Variants in CNTNAP3B observed in about 807,000 individuals in gnomAD.
CNTNAP3B encodes contactin-associated protein-like 3B.
Under a neutral mutation model 108.9 loss-of-function variants are expected in CNTNAP3B, and 25 were observed. The ratio of observed to expected loss-of-function variants is 0.23; its 90% confidence interval spans 0.17 to 0.32. CNTNAP3B has a LOEUF of 0.32. Among genes scored for constraint, CNTNAP3B ranks in the 10% least tolerant of loss-of-function variants. The pLI is 1.00. For missense variants in CNTNAP3B, 252 were observed against 1,210.4 expected (o/e 0.21, Z 11.75); for synonymous variants, 103 against 473.4 (o/e 0.22, Z 10.16).
chr9:42,087,689 A>T (rs1436497588), intron 2 of CNTNAP3B, among the ~76,000 whole-genome samples: 2 of 138,584 alleles, frequency 1.4e-5, no homozygotes, highest in South Asian at 4.8e-4. Context: ...CTATGATATT[A>T]ACTTATATTT....
At chr9:42,003,386 A>G (rs1439189983) in intron 4 of CNTNAP3B, among the ~76,000 whole-genome samples, 1 of 60,704 alleles carries the variant, frequency 1.6e-5, no homozygotes, top group East Asian at 3.1e-4. Flanking sequence ...GCAAACACTG[A>G]TGTCTTACAA....
chr9:42,058,441 T>G (rs1476267755), intron 3 of CNTNAP3B, among the ~76,000 whole-genome samples: 6 of 141,674 alleles, frequency 4.2e-5, no homozygotes, highest in Non-Finnish European at 9.2e-5. Context: ...ATTGTGGTTC[T>G]AACTTGCATT....
intron 11 of CNTNAP3B, among the ~76,000 whole-genome samples, chr9:41,961,921 A>T (rs1483572827): frequency 6.6e-6 from 1 of 152,310 alleles, no homozygotes; most frequent in Non-Finnish European, 1.5e-5. Context: ...CACTTATGGC[A>T]TATTGATTTA....
intron 1 of CNTNAP3B, among the ~76,000 whole-genome samples, chr9:42,120,563 G>T (rs1385365429): frequency 7.2e-6 from 1 of 138,214 alleles, no homozygotes; most frequent in Non-Finnish European, 1.5e-5. Context: ...GCAAGACTTG[G>T]AACCAACCCA....
chr9:42,097,037 C>A (rs1827915878), intron 2 of CNTNAP3B, among the ~76,000 whole-genome samples: 1 of 138,230 alleles, frequency 7.2e-6, no homozygotes, highest in Non-Finnish European at 1.5e-5. Flanking sequence ...CAGGCGTGAA[C>A]CACTGTGCCC....
In CNTNAP3B at chr9:41,932,517, C is replaced by CTT. The variant is rs1178493391; in HGVS notation, c.2238-3075_2238-3074dup. On this transcript the variant is annotated intron_variant, in intron 14 of 23. Transcript: ENST00000377561. Reference sequence around the variant, plus strand: ...TGAGTCAACTTTTTAACTTTTTTTTCTTCTTTTTTTTTTTTTTTCGAGACA... The same window carrying CTT: ...TGAGTCAACTTTTTAACTTTTTTTTCTTTTCTTTTTTTTTTTTTTTCGAGACA... Among the ~76,000 whole-genome samples, 67 of 124,828 alleles carry CTT rather than the reference C, an allele frequency of 5.4e-4. 1 individual carries two copies. Among genetic ancestry groups the CTT allele is most frequent in the Non-Finnish European group, 9.9e-4 (57 of 57,516 alleles). 81.9% of individuals were successfully genotyped at this position (124,828 alleles called of 152,430 possible). A position where few individuals can be genotyped will look rare whatever the true frequency, so the allele number is the denominator to read the frequency against.
At chr9:41,918,348 C>A (rs1395411320) in intron 18 of CNTNAP3B, among the ~76,000 whole-genome samples, 4 of 148,142 alleles carry the variant, frequency 2.7e-5, no homozygotes, top group African/African-American at 1.0e-4. Context: ...CTACAGTATT[C>A]TGAGAGAGAA....
intron 3 of CNTNAP3B, among the ~76,000 whole-genome samples, chr9:42,037,402 C>T (rs1587219459): frequency 2.3e-5 from 3 of 127,914 alleles, no homozygotes; most frequent in African/African-American, 9.5e-5. Flanking sequence ...ACACGAATGG[C>T]TAACTAGAAT....
chr9:42,010,291 C>CAGAG (rs1826109874), intron 4 of CNTNAP3B, among the ~76,000 whole-genome samples: 1 of 143,452 alleles, frequency 7.0e-6, no homozygotes, highest in East Asian at 2.0e-4. Context: ...GACAGAATGA[C>CAGAG]CCAAACTTGG....
chr9:42,098,219 G>A (rs1237882218), intron 2 of CNTNAP3B, among the ~76,000 whole-genome samples: 1 of 135,696 alleles, frequency 7.4e-6, no homozygotes, highest in East Asian at 2.3e-4. Flanking sequence ...CTTCCTCAGA[G>A]AAGCAGAAAC....
At chr9:41,995,817 C>CT (rs1825888047) in intron 7 of CNTNAP3B, among the ~76,000 whole-genome samples, 4 of 137,658 alleles carry the variant, frequency 2.9e-5, no homozygotes, top group Non-Finnish European at 6.2e-5. Context: ...AGGCAGATCA[C>CT]CTGAGGTCAG....
Position 41,972,709 on chromosome 9 carries a change from G to A in CNTNAP3B, c.1478-2464C>T, listed in dbSNP as rs867509818. ...CTTTTATATTTTTATATTTACAAAA[G>A]AAATAAAAGTTTAAATGGTACAGCA... is the stretch of plus-strand genomic sequence containing the variant. On this transcript the variant is annotated intron_variant, in intron 9 of 23. Coordinates refer to ENST00000377561, the MANE Select transcript of CNTNAP3B (RefSeq NM_001201380.3). Among the ~76,000 whole-genome samples the A allele has an allele frequency of 7.8e-3, 1,041 of 134,162 alleles. 116 individuals carry two copies. The highest frequency in any genetic ancestry group is 0.03 in the African/African-American group (998 of 33,680). 88.0% of individuals were successfully genotyped at this position (134,162 alleles called of 152,430 possible). A position where few individuals can be genotyped will look rare whatever the true frequency, so the allele number is the denominator to read the frequency against.
rs1271750210 is a variant in CNTNAP3B at position 42,066,575 on chromosome 9, T to C, written c.390+10294A>G. Among the ~76,000 whole-genome samples, 3 of 128,976 alleles carry C rather than the reference T, an allele frequency of 2.3e-5. 1 individual carries two copies. Among genetic ancestry groups the C allele is most frequent in the African/African-American group, 9.5e-5 (3 of 31,588 alleles). The allele number at this position is 128,976 out of a possible 152,430, so 84.6% of individuals were successfully genotyped here. A position where few individuals can be genotyped will look rare whatever the true frequency, so the allele number is the denominator to read the frequency against. On this transcript the variant is annotated intron_variant, in intron 3 of 23. Transcript: ENST00000377561. Reference sequence around the variant, plus strand: ...CCGAGTAGCTGGGATTACAGGCGCCTGCCACCACATCTGGCTAATTTTTTT... The same window carrying C: ...CCGAGTAGCTGGGATTACAGGCGCCCGCCACCACATCTGGCTAATTTTTTT...
intron 3 of CNTNAP3B, among the ~76,000 whole-genome samples, chr9:42,075,163 G>A (rs1296795244): frequency 4.1e-4 from 59 of 144,166 alleles, no homozygotes; most frequent in Non-Finnish European, 7.5e-4. Flanking sequence ...TCTGTCTCTG[G>A]GTCCAAAGGT....
rs1158343733 is a variant in CNTNAP3B, at chr9:42,011,799, CA to C, written c.538+1578del. ...TAAAGGGTTGTATTACTGTCAACAA[CA>C]AAAATAAAATCACCATACTTGAACA... On this transcript the variant is annotated intron_variant, in intron 4 of 23. Coordinates refer to ENST00000377561, the MANE Select transcript of CNTNAP3B (RefSeq NM_001201380.3). 2.1e-4 allele frequency among the ~76,000 whole-genome samples: 20 copies of C among 93,400 alleles called. 5 individuals are homozygous for C. The highest frequency in any genetic ancestry group is 2.0e-3 in the Admixed American group (18 of 9,066). The allele number at this position is 93,400 out of a possible 152,430, so 61.3% of individuals were successfully genotyped here.
At chr9:41,929,551 G>T in intron 14 of CNTNAP3B, 107 bp from the exon 15 acceptor site, 3 of 1,390,274 alleles carry the variant, frequency 2.2e-6, no homozygotes, top group Non-Finnish European at 2.9e-6. Context: ...GAGCTTAACA[G>T]AATACTTAAC....
At chr9:41,926,294 C>T (rs973473377) in intron 15 of CNTNAP3B, among the ~76,000 whole-genome samples, 48 of 152,192 alleles carry the variant, frequency 3.2e-4, no homozygotes, top group Admixed American at 1.3e-3. Context: ...TGACCCTATC[C>T]CTGCAGATCC....
At chr9:41,932,622 C>A (rs4642700) in intron 14 of CNTNAP3B, among the ~76,000 whole-genome samples, 1 of 151,478 alleles carries the variant, frequency 6.6e-6, no homozygotes, top group African/African-American at 2.4e-5. Flanking sequence ...AGGATTCAAG[C>A]GATTCTCCTG....
intron 18 of CNTNAP3B, among the ~76,000 whole-genome samples, chr9:41,916,161 C>A (rs2117911302): frequency 6.8e-6 from 1 of 147,218 alleles, no homozygotes; most frequent in Non-Finnish European, 1.5e-5. Flanking sequence ...AGTTCTCTTT[C>A]TTTGTTCCTC....
Sources: gnomAD v4.1 joint callset for allele counts (sites outside exome capture counted in the v4.1 genomes callset) on GRCh38, gnomAD v4.1.1 for gene constraint, MANE v1.5 for transcripts, NCBI Gene and HGNC (gene_info 2026-07-23, HGNC 2026-07-21) for gene names.